The following SORCS1 variants were observed in gnomAD, a reference collection of about 807,000 sequenced individuals.
The protein encoded by SORCS1 is VPS10 domain-containing receptor SorCS1.
In SORCS1, 60 loss-of-function variants were observed where a neutral mutation model predicts 146.1. The ratio of observed to expected loss-of-function variants is 0.41; its 90% confidence interval spans 0.33 to 0.51. SORCS1 has a LOEUF of 0.51. SORCS1 is among the 20% of genes least tolerant of loss of function. SORCS1 has a pLI of 0.21. For missense variants in SORCS1, 1,352 were observed against 1,487.6 expected, an observed-to-expected ratio of 0.91 and a Z score of 1.50; for synonymous variants, 637 against 584.0, an observed-to-expected ratio of 1.09 and a Z score of -1.31.
intron 4 of SORCS1, among the ~76,000 whole-genome samples, chr10:106,773,841 T>C (rs1860216733): frequency 6.6e-6 from 1 of 151,772 alleles, no homozygotes; most frequent in Non-Finnish European, 1.5e-5. Context: ...CCCAGCTACT[T>C]GGGAGGCTGA....
chr10:106,966,344 T>G (rs1338381474), intron 1 of SORCS1, among the ~76,000 whole-genome samples: 1 of 152,060 alleles, frequency 6.6e-6, no homozygotes, highest in Non-Finnish European at 1.5e-5. Context: ...CAAACATACT[T>G]GACGAAATGA....
chr10:106,872,220 G>A (rs745488070), intron 2 of SORCS1, among the ~76,000 whole-genome samples: 2 of 152,192 alleles, frequency 1.3e-5, no homozygotes, highest in Non-Finnish European at 2.9e-5. Context: ...TCCTTGAAAC[G>A]CATTTGAGAA....
At chr10:106,875,278 A>G (rs537639060) in intron 2 of SORCS1, among the ~76,000 whole-genome samples, 2 of 152,328 alleles carry the variant, frequency 1.3e-5, no homozygotes, top group Non-Finnish European at 2.9e-5. Flanking sequence ...TCAAGTTGCC[A>G]CAAAAGATAT....
At chr10:106,906,044 C>T (rs1298564142) in intron 2 of SORCS1, among the ~76,000 whole-genome samples, 1 of 152,202 alleles carries the variant, frequency 6.6e-6, no homozygotes, top group Non-Finnish European at 1.5e-5. Flanking sequence ...GGTTTAACCA[C>T]TTGTATTAGT....
chr10:107,142,040 G>A (rs1445618395), intron 1 of SORCS1, among the ~76,000 whole-genome samples: 4 of 152,132 alleles, frequency 2.6e-5, no homozygotes, highest in African/African-American at 9.7e-5. Flanking sequence ...AGAGATTGGG[G>A]CACCTTGAAT....
Position 106,952,662 on chromosome 10 carries a change from G to A in SORCS1, c.626+3851C>T, listed in dbSNP as rs1404676902. 2.7e-5 allele frequency among the ~76,000 whole-genome samples: 4 copies of A among 150,326 alleles called. No homozygotes were observed. The South Asian group carries it at 8.4e-4, about 32-fold the overall frequency. ...GTTTTCTAAATTACATTTTCAGTAAGGTATGTGTCATTCCTATTAAAGTAC... is the reference window on the plus strand; with the variant it reads ...GTTTTCTAAATTACATTTTCAGTAAAGTATGTGTCATTCCTATTAAAGTAC... On this transcript the variant is annotated intron_variant, in intron 2 of 25. Transcript: ENST00000263054.
At chr10:106,977,589 A>AT (rs35526585) in intron 1 of SORCS1, among the ~76,000 whole-genome samples, 15,583 of 133,392 alleles carry the variant, frequency 0.12, 1,051 homozygotes, top group African/African-American at 0.19. Context: ...CATTCATTGG[A>AT]TTTTTTTTTT....
intron 1 of SORCS1, among the ~76,000 whole-genome samples, chr10:107,041,156 T>C (rs941624389): frequency 6.6e-6 from 1 of 152,012 alleles, no homozygotes; most frequent in Non-Finnish European, 1.5e-5. Flanking sequence ...TCAGAACAAA[T>C]GTGTAATAGG....
intron 3 of SORCS1, among the ~76,000 whole-genome samples, chr10:106,826,545 T>A (rs1020857797): frequency 1.4e-4 from 22 of 152,228 alleles, no homozygotes; most frequent in Admixed American, 1.4e-3. Flanking sequence ...GTTGTGCAAG[T>A]ACTATCTCTT....
chr10:106,983,211 T>G (rs965510637), intron 1 of SORCS1, among the ~76,000 whole-genome samples: 4 of 147,670 alleles, frequency 2.7e-5, no homozygotes. Flanking sequence ...TTTCTATATA[T>G]AAATATATAT....
intron 1 of SORCS1, among the ~76,000 whole-genome samples, chr10:107,147,704 A>G (rs559156789): frequency 1.3e-5 from 2 of 152,210 alleles, no homozygotes; most frequent in Non-Finnish European, 2.9e-5. Flanking sequence ...GTAAATAAAA[A>G]GATTCTATAT....
intron 2 of SORCS1, among the ~76,000 whole-genome samples, chr10:106,864,558 G>T (rs564721477): frequency 6.6e-6 from 1 of 152,290 alleles, no homozygotes; most frequent in South Asian, 2.1e-4. Context: ...TGGCAAAGCA[G>T]GAGGTTAGAC....
At chr10:106,673,702 C>T (rs1034932626) in intron 14 of SORCS1, among the ~76,000 whole-genome samples, 2 of 152,132 alleles carry the variant, frequency 1.3e-5, no homozygotes, top group African/African-American at 4.8e-5. Flanking sequence ...GGTTTCCATG[C>T]TATTTTACTT....
chr10:106,769,975 C>T (rs1036708911), intron 4 of SORCS1, among the ~76,000 whole-genome samples: 3 of 152,270 alleles, frequency 2.0e-5, no homozygotes, highest in African/African-American at 7.2e-5. Context: ...TGCCTGTAAT[C>T]CCAGCTATGC....
At chr10:106,823,203 C>G (rs1948140018) in intron 3 of SORCS1, among the ~76,000 whole-genome samples, 1 of 152,106 alleles carries the variant, frequency 6.6e-6, no homozygotes, top group Non-Finnish European at 1.5e-5. Context: ...GCTTGTCCGC[C>G]AAGGGAATGT....
At chr10:106,922,406 C>A (rs533563800) in intron 2 of SORCS1, among the ~76,000 whole-genome samples, 133 of 152,226 alleles carry the variant, frequency 8.7e-4, no homozygotes, top group South Asian at 3.1e-3. Context: ...GGGCTTCCAA[C>A]AATAAACAAA....
At chr10:107,135,163 G>GT (rs1357402381) in intron 1 of SORCS1, among the ~76,000 whole-genome samples, 8 of 152,168 alleles carry the variant, frequency 5.3e-5, no homozygotes, top group Non-Finnish European at 8.8e-5. Context: ...ATTTATTATG[G>GT]TAAGATCATT....
At chr10:106,702,512 G>T (rs913370172) in intron 8 of SORCS1, among the ~76,000 whole-genome samples, 2 of 152,106 alleles carry the variant, frequency 1.3e-5, no homozygotes, top group African/African-American at 4.8e-5. Flanking sequence ...TGTAGATTTG[G>T]ATAGGAAAAC....
At chr10:106,674,328 CAAA>C (rs10658432) in intron 14 of SORCS1, among the ~76,000 whole-genome samples, 7 of 27,374 alleles carry the variant, frequency 2.6e-4, no homozygotes, top group Non-Finnish European at 3.3e-4. Context: ...GACTCCGTCT[CAAA>C]AAAAAAAAAA....
Sources: allele counts gnomAD v4.1 joint callset (sites outside exome capture counted in the v4.1 genomes callset), GRCh38; gene constraint gnomAD v4.1.1; transcripts MANE v1.5; gene names NCBI Gene and HGNC (gene_info 2026-07-23, HGNC 2026-07-21).